Variants in RIMS2 observed in about 807,000 individuals in gnomAD.
RIMS2 encodes regulating synaptic membrane exocytosis 2.
RIMS2 carries 59 observed loss-of-function variants against 174.4 expected under a neutral mutation model. The ratio of observed to expected loss-of-function variants is 0.34; its 90% CI spans 0.27 to 0.42. The LOEUF is 0.42. RIMS2 is among the 10% of genes least tolerant of loss of function. The pLI, the probability that RIMS2 is intolerant of heterozygous loss-of-function variation, is 1.00. For missense variants in RIMS2, 1,620 were observed against 1,666.3 expected (o/e 0.97, Z 0.48); for synonymous variants, 606 against 572.5 (o/e 1.06, Z -0.84).
At chr8:104,130,789 C>A (rs985929860) in intron 19 of RIMS2, among the ~76,000 whole-genome samples, 1 of 152,068 alleles carries the variant, frequency 6.6e-6, no homozygotes, top group Non-Finnish European at 1.5e-5. Flanking sequence ...CAGAGGAACT[C>A]TTATTCAAGC....
chr8:104,083,374 C>T (rs148446827), intron 19 of RIMS2, among the ~76,000 whole-genome samples: 1 of 152,286 alleles, frequency 6.6e-6, no homozygotes, highest in African/African-American at 2.4e-5. Flanking sequence ...GGGCACTGGT[C>T]CTACTGATGT....
Position 103,548,773 on chromosome 8 carries a change from T to C in RIMS2, c.176+47711T>C, listed in dbSNP as rs1846247285. On this transcript the variant is annotated intron_variant, in intron 1 of 23. Coordinates refer to ENST00000504942, the Ensembl canonical transcript of RIMS2. Reference sequence around the variant, plus strand: ...ATGATTCTATACCTAGAAAACACCATAATCTCTATCTAAAAGCTCCTAGAT... The same window carrying C: ...ATGATTCTATACCTAGAAAACACCACAATCTCTATCTAAAAGCTCCTAGAT... Among the ~76,000 whole-genome samples the C allele has an allele frequency of 2.0e-5, 3 of 152,092 alleles. No homozygotes were observed. In the South Asian group the frequency reaches 6.2e-4, roughly 32 times the overall value.
chr8:103,825,992 T>C (rs900293485), intron 3 of RIMS2, among the ~76,000 whole-genome samples: 2 of 152,166 alleles, frequency 1.3e-5, no homozygotes, highest in South Asian at 2.1e-4. Flanking sequence ...CCTCTTATGA[T>C]AATTTTATTA....
chr8:104,137,549 A>C (rs2098531341), intron 19 of RIMS2, among the ~76,000 whole-genome samples: 1 of 152,236 alleles, frequency 6.6e-6, no homozygotes, highest in African/African-American at 2.4e-5. Context: ...TACATTCATT[A>C]TATATTACAA....
chr8:103,975,383 C>T, exon 16 of RIMS2: 1 of 1,612,792 alleles, frequency 6.2e-7, no homozygotes, highest in South Asian at 1.1e-5. Flanking sequence ...CTTCAAAGCT[C>T]AACATTATCA....
At chr8:103,979,860 A>G (rs910677292) in intron 16 of RIMS2, among the ~76,000 whole-genome samples, 1 of 152,208 alleles carries the variant, frequency 6.6e-6, no homozygotes, top group African/African-American at 2.4e-5. Flanking sequence ...TGCTGGGCTC[A>G]GCCAGTGCCT....
intron 1 of RIMS2, among the ~76,000 whole-genome samples, chr8:103,562,125 C>T (rs997393759): frequency 6.6e-6 from 1 of 152,188 alleles, no homozygotes; most frequent in Non-Finnish European, 1.5e-5. Context: ...TATCATTTCA[C>T]CCCTGGTCAT....
chr8:103,574,028 G>A (rs1268915654), intron 1 of RIMS2, among the ~76,000 whole-genome samples: 1 of 150,482 alleles, frequency 6.6e-6, no homozygotes, highest in Non-Finnish European at 1.5e-5. Context: ...TCAGGTTTTT[G>A]CATCTTACAT....
At chr8:103,614,167 G>A (rs1461872748) in intron 1 of RIMS2, among the ~76,000 whole-genome samples, 2 of 152,246 alleles carry the variant, frequency 1.3e-5, no homozygotes, top group Non-Finnish European at 2.9e-5. Flanking sequence ...GGATCCTAGA[G>A]TACTTCTGCC....
chr8:103,585,812 G>A (rs1187708803), intron 1 of RIMS2, among the ~76,000 whole-genome samples: 2 of 151,630 alleles, frequency 1.3e-5, no homozygotes, highest in African/African-American at 2.4e-5. Context: ...AGGCTGACAG[G>A]TGCAGCATAC....
rs150285524 is a variant in RIMS2, at chr8:103,926,177, G to A, written c.2197-1665G>A. On this transcript the variant is annotated intron_variant, in intron 10 of 23. Transcript: ENST00000504942. ...TTTACTTGTAAAAATATTCTGTAAC[G>A]TTAATATTTTTGGTCTAAAACAAAA... 3.0e-3 allele frequency among the ~76,000 whole-genome samples: 461 copies of A among 151,506 alleles called. 2 individuals are homozygous for A. Among genetic ancestry groups the A allele is most frequent in the African/African-American group, 8.5e-3 (352 of 41,472 alleles).
At position 104,187,581 on chromosome 8, in the gene RIMS2, C is replaced by A. The variant is rs138341154; in HGVS notation, c.3335-57335C>A. Among the ~76,000 whole-genome samples the A allele has an allele frequency of 6.3e-3, 959 of 151,872 alleles. 10 individuals carry two copies. Among genetic ancestry groups the A allele is most frequent in the Middle Eastern group, 0.017 (5 of 294 alleles). On this transcript the variant is annotated intron_variant, in intron 19 of 23. Coordinates refer to ENST00000504942, the Ensembl canonical transcript of RIMS2. ...ATCTGTTCCTTCTTGAAAACTAAAT[C>A]TCTTCCAACATTAAAAGCAACACAC...
intron 19 of RIMS2, 33 bp downstream of exon 23, chr8:104,068,645 TAATC>T (rs1301424704): frequency 3.8e-6 from 4 of 1,047,894 alleles, no homozygotes; most frequent in Admixed American, 2.0e-5. Flanking sequence ...AGTTGTAAAA[TAATC>T]AATCATATGA....
intron 1 of RIMS2, among the ~76,000 whole-genome samples, chr8:103,533,661 C>CA (rs34355378): frequency 0.35 from 23,126 of 65,932 alleles, 3,489 homozygotes; most frequent in South Asian, 0.39. Context: ...GACCCTGTCT[C>CA]AAAAAAAAAA....
intron 1 of RIMS2, among the ~76,000 whole-genome samples, chr8:103,639,435 T>C (rs1252996538): frequency 6.6e-6 from 1 of 151,902 alleles, no homozygotes; most frequent in African/African-American, 2.4e-5. Context: ...TTTCCTTGTG[T>C]GACTTTTGTA....
At chr8:103,799,433 C>T (rs188030622) in intron 3 of RIMS2, among the ~76,000 whole-genome samples, 156 of 152,206 alleles carry the variant, frequency 1.0e-3, no homozygotes, top group Middle Eastern at 3.4e-3. Context: ...AGTGAACATC[C>T]TTGTACATGT....
At chr8:103,665,519 A>G (rs1282113833) in intron 1 of RIMS2, among the ~76,000 whole-genome samples, 1 of 152,258 alleles carries the variant, frequency 6.6e-6, no homozygotes, top group Non-Finnish European at 1.5e-5. Flanking sequence ...ATGAGTCTAA[A>G]AAGAATTAAT....
intron 10 of RIMS2, among the ~76,000 whole-genome samples, chr8:103,923,068 ATAAG>A (rs1171829052): frequency 1.3e-5 from 2 of 152,142 alleles, no homozygotes; most frequent in African/African-American, 4.8e-5. Flanking sequence ...AGTCTACAAA[ATAAG>A]TAGCATCTTT....
At chr8:104,174,844 C>G (rs1231408110) in intron 19 of RIMS2, among the ~76,000 whole-genome samples, 1 of 152,306 alleles carries the variant, frequency 6.6e-6, no homozygotes, top group East Asian at 1.9e-4. Flanking sequence ...CCTTTCAATA[C>G]CTGATCCCTA....
Sources: allele counts gnomAD v4.1 joint callset (sites outside exome capture counted in the v4.1 genomes callset), GRCh38; gene constraint gnomAD v4.1.1; transcripts MANE v1.5; gene names NCBI Gene and HGNC (gene_info 2026-07-23, HGNC 2026-07-21).